Variants in PPP4R4 observed in about 807,000 individuals in gnomAD.
The protein encoded by PPP4R4 is serine/threonine-protein phosphatase 4 regulatory subunit 4.
A neutral mutation model predicts 121.8 loss-of-function variants in PPP4R4; 70 were observed. That is an observed-to-expected ratio of 0.57 (90% CI 0.47 to 0.70). The LOEUF (loss-of-function observed/expected upper bound fraction) is 0.70. PPP4R4 is among the 30% of genes least tolerant of loss of function. PPP4R4 has a pLI of 0.00. For missense variants in PPP4R4, 875 were observed against 1,033.6 expected (o/e 0.85, Z 2.10); for synonymous variants, 348 against 355.7 (o/e 0.98, Z 0.24).
chr14:94,275,708 G>A (rs1294383413), intron 24 of PPP4R4, among the ~76,000 whole-genome samples, 187 bp downstream of exon 24: 2 of 152,154 alleles, frequency 1.3e-5, no homozygotes, highest in South Asian at 2.1e-4. Context: ...CTTATATATG[G>A]CAAAGGCATT....
chr14:94,194,006 A>G (rs1235985775), intron 2 of PPP4R4, among the ~76,000 whole-genome samples: 1 of 152,230 alleles, frequency 6.6e-6, no homozygotes, highest in African/African-American at 2.4e-5. Context: ...ACAATGGCAG[A>G]AGCTGGGACA....
intron 3 of PPP4R4, among the ~76,000 whole-genome samples, chr14:94,229,528 A>G (rs1212901061): frequency 6.6e-6 from 1 of 152,204 alleles, no homozygotes; most frequent in African/African-American, 2.4e-5. Flanking sequence ...CATAGACAGA[A>G]GACAGTGGAT....
intron 16 of PPP4R4, among the ~76,000 whole-genome samples, chr14:94,255,799 T>C (rs1208196687): frequency 6.6e-6 from 1 of 152,184 alleles, no homozygotes; most frequent in African/African-American, 2.4e-5. Flanking sequence ...CATTGTCAGA[T>C]CATTTCACCC....
At chr14:94,268,888 C>T (rs566585480) in intron 23 of PPP4R4, among the ~76,000 whole-genome samples, 28 of 151,940 alleles carry the variant, frequency 1.8e-4, no homozygotes, top group African/African-American at 4.1e-4. Context: ...ATTTGGGTAG[C>T]GACACAGAGC....
chr14:94,196,086 A>G, intron 2 of PPP4R4, among the ~76,000 whole-genome samples: 2 of 150,386 alleles, frequency 1.3e-5, no homozygotes, highest in Non-Finnish European at 1.5e-5. Flanking sequence ...CTTTTTCTTT[A>G]AGATTCAACA....
chr14:94,197,094 G>C (rs935023423), intron 2 of PPP4R4, among the ~76,000 whole-genome samples: 1 of 151,992 alleles, frequency 6.6e-6, no homozygotes, highest in Non-Finnish European at 1.5e-5. Flanking sequence ...TACTTTGTGA[G>C]GTTTCTCGGT....
intron 19 of PPP4R4, among the ~76,000 whole-genome samples, chr14:94,262,227 C>T (rs558612305): frequency 6.6e-6 from 1 of 152,064 alleles, no homozygotes; most frequent in African/African-American, 2.4e-5. Context: ...CCTTAGTAGA[C>T]ATTAGATAAT....
intron 8 of PPP4R4, among the ~76,000 whole-genome samples, chr14:94,238,999 A>C (rs548040933): frequency 6.6e-6 from 1 of 151,966 alleles, no homozygotes; most frequent in African/African-American, 2.4e-5. Context: ...GCCCACACCC[A>C]TTTATCACAG....
rs775650256 is a variant in PPP4R4 at position 94,233,697 on chromosome 14, C to A, written c.561C>A (p.Val187=). Residue 187 remains valine, a synonymous_variant, in exon 6 of 25, where the codon GTC becomes GTA. Coordinates refer to ENST00000304338, the MANE Select transcript of PPP4R4 (RefSeq NM_058237.2). The part of the protein sequence containing the change: ...LVSKAQLSQT[V]QSRLVSCKIL... The stretch of plus-strand genomic sequence containing the variant: ...CCAAGGCACAACTTTCCCAAACAGT[C>A]CAGTCTCGTTTAGTTAGTTGTAAAA... The A allele has an allele frequency of 5.0e-6, 8 of 1,606,582 alleles. No homozygotes were observed. The Admixed American group carries it at 8.4e-5, about 17-fold the overall frequency.
intron 1 of PPP4R4, chr14:94,175,816 G>A (rs114713827): frequency 1.8e-6 from 1 of 540,832 alleles, no homozygotes; most frequent in African/African-American, 1.9e-5. Context: ...CAGTCCAGGA[G>A]CTAGAAGGAT....
chr14:94,250,515 T>C (rs1893123783), intron 15 of PPP4R4, among the ~76,000 whole-genome samples: 1 of 151,982 alleles, frequency 6.6e-6, no homozygotes, highest in African/African-American at 2.4e-5. Flanking sequence ...ATATATTTAC[T>C]TATATTGAAA....
chr14:94,240,130 A>G (rs1036866597), intron 8 of PPP4R4, among the ~76,000 whole-genome samples: 4 of 152,220 alleles, frequency 2.6e-5, no homozygotes, highest in Admixed American at 1.3e-4. Context: ...TTATGACCTA[A>G]GCAGATGTAC....
At chr14:94,270,463 A>G (rs375271904) in intron 23 of PPP4R4, among the ~76,000 whole-genome samples, 2 of 152,258 alleles carry the variant, frequency 1.3e-5, no homozygotes, top group East Asian at 3.8e-4. Flanking sequence ...GAGAACTTAA[A>G]TATAAGTTTG....
intron 23 of PPP4R4, among the ~76,000 whole-genome samples, chr14:94,270,940 A>G (rs1320040718): frequency 6.6e-6 from 1 of 151,876 alleles, no homozygotes; most frequent in African/African-American, 2.4e-5. Context: ...AACAACAACA[A>G]CAACAAAAAA....
intron 3 of PPP4R4, 131 bp from the exon 4 acceptor site, chr14:94,230,456 C>A: frequency 2.6e-6 from 2 of 765,264 alleles, no homozygotes; most frequent in Admixed American, 3.0e-5. Flanking sequence ...GAAATAAGTA[C>A]ATATCCTTAA....
intron 2 of PPP4R4, among the ~76,000 whole-genome samples, chr14:94,181,533 ATCTTT>A (rs1888996280): frequency 7.9e-5 from 12 of 152,192 alleles, no homozygotes; most frequent in Admixed American, 7.9e-4. Flanking sequence ...TGAAGTCATG[ATCTTT>A]TCTTTGAGTA....
At chr14:94,243,986 C>G (rs1426784718) in intron 11 of PPP4R4, among the ~76,000 whole-genome samples, 1 of 144,754 alleles carries the variant, frequency 6.9e-6, no homozygotes, top group Non-Finnish European at 1.5e-5. Context: ...TTTTTTTTTT[C>G]AAATAAAACT....
intron 5 of PPP4R4, among the ~76,000 whole-genome samples, chr14:94,231,689 T>C (rs1335559855): frequency 1.3e-5 from 2 of 152,166 alleles, no homozygotes. Flanking sequence ...TTGTGAAACA[T>C]TTAAGCCTGT....
intron 5 of PPP4R4, among the ~76,000 whole-genome samples, chr14:94,233,163 T>C (rs371201957): frequency 6.6e-6 from 1 of 152,210 alleles, no homozygotes; most frequent in South Asian, 2.1e-4. Flanking sequence ...CAGGCTGTTG[T>C]AGTATTTGAG....
Sources: gnomAD v4.1 joint callset for allele counts (sites outside exome capture counted in the v4.1 genomes callset) on GRCh38, gnomAD v4.1.1 for gene constraint, MANE v1.5 for transcripts, NCBI Gene and HGNC (gene_info 2026-07-23, HGNC 2026-07-21) for gene names.